Variants in CCDC171 observed in about 807,000 individuals in gnomAD.
CCDC171 encodes coiled-coil domain-containing protein 171.
Under a neutral mutation model 168.2 loss-of-function variants are expected in CCDC171, and 177 were observed. That is an observed-to-expected ratio of 1.05 (90% CI 0.93 to 1.19). The LOEUF is 1.19. CCDC171 is among the 50% of genes most tolerant of loss of function. The pLI is 0.00. For synonymous variants in CCDC171, 687 were observed against 540.8 expected, an observed-to-expected ratio of 1.27 and a Z score of -3.75; for missense variants, 1,991 against 1,539.0, an observed-to-expected ratio of 1.29 and a Z score of -4.91.
chr9:15,926,941 C>G (rs900981274), intron 25 of CCDC171, among the ~76,000 whole-genome samples: 9 of 151,564 alleles, frequency 5.9e-5, no homozygotes, highest in African/African-American at 2.2e-4. Context: ...ATTACCATTA[C>G]TTGTTGTTGT....
intron 22 of CCDC171, among the ~76,000 whole-genome samples, chr9:15,848,541 T>C (rs903601835): frequency 2.6e-5 from 4 of 151,876 alleles, no homozygotes; most frequent in South Asian, 2.1e-4. Context: ...AATAAAGTTT[T>C]ACCATTTACA....
intron 7 of CCDC171, among the ~76,000 whole-genome samples, chr9:15,652,337 A>G (rs2047588299): frequency 6.6e-6 from 1 of 152,180 alleles, no homozygotes; most frequent in Non-Finnish European, 1.5e-5. Context: ...TCAAAAATAA[A>G]TTGACCACCC....
chr9:16,016,809 A>T (rs540912044), intron 3 of CCDC171, among the ~76,000 whole-genome samples: 1 of 152,342 alleles, frequency 6.6e-6, no homozygotes, highest in South Asian at 2.1e-4. Flanking sequence ...ATTAGAAGCA[A>T]TTACAAGGAC....
At chr9:16,094,398 G>A in the CCDC171 span, among the ~76,000 whole-genome samples, 2 of 152,198 alleles carry the variant, frequency 1.3e-5, no homozygotes, top group Non-Finnish European at 2.9e-5. Flanking sequence ...TGGAGCGAGT[G>A]CTCGTTGTGT....
At chr9:16,074,983 C>T in the CCDC171 span, among the ~76,000 whole-genome samples, 1 of 152,170 alleles carries the variant, frequency 6.6e-6, no homozygotes, top group Non-Finnish European at 1.5e-5. Flanking sequence ...CTCTTCCTCC[C>T]AGTTTCGTGC....
At chr9:15,592,220 T>C (rs2042054418) in intron 5 of CCDC171, among the ~76,000 whole-genome samples, 1 of 151,514 alleles carries the variant, frequency 6.6e-6, no homozygotes, top group Admixed American at 6.6e-5. Flanking sequence ...TTCCAGCTAG[T>C]AGGGAGGTTG....
chr9:15,905,806 A>G (rs985696786), intron 24 of CCDC171, among the ~76,000 whole-genome samples: 1 of 152,164 alleles, frequency 6.6e-6, no homozygotes, highest in Non-Finnish European at 1.5e-5. Flanking sequence ...AGAGAGAAGA[A>G]TCAAACAGAC....
intron 21 of CCDC171, among the ~76,000 whole-genome samples, chr9:15,836,051 A>T (rs1165891156): frequency 2.0e-5 from 3 of 152,190 alleles, no homozygotes; most frequent in Non-Finnish European, 1.5e-5. Context: ...ATTAAACTTC[A>T]TATCTTCCCC....
rs1434753513 is a variant in CCDC171 at position 15,777,651 on chromosome 9, C to G, written c.2723C>G (p.Ser908Cys). Reference protein sequence around the residue: ...GHLLIGAAKNSFAKLMDKISL... With the variant: ...GHLLIGAAKNCFAKLMDKISL... ...TTACTCATAGGTGCAGCCAAGAATTCTTTTGCAAAACTCATGGATAAAATT... is the reference window on the plus strand; with the variant it reads ...TTACTCATAGGTGCAGCCAAGAATTGTTTTGCAAAACTCATGGATAAAATT... The change falls in exon 19 of 26, where the codon TCT (serine) becomes TGT (cysteine). Residue 908 changes from serine to cysteine, a missense_variant. Ser to Cys is a moderately radical substitution (Grantham distance 112). Transcript: ENST00000380701. 3.1e-6 allele frequency: 5 copies of G among 1,613,734 alleles called. No homozygotes were observed. The African/African-American group carries it at 6.7e-5, about 22-fold the overall frequency.
chr9:15,624,507 C>G (rs1455052944), intron 7 of CCDC171, among the ~76,000 whole-genome samples: 1 of 152,106 alleles, frequency 6.6e-6, no homozygotes, highest in African/African-American at 2.4e-5. Flanking sequence ...GTTCCCCATC[C>G]TGTGTCCAAG....
At chr9:15,654,947 C>G (rs1035628627) in intron 7 of CCDC171, among the ~76,000 whole-genome samples, 3 of 152,168 alleles carry the variant, frequency 2.0e-5, no homozygotes, top group Non-Finnish European at 4.4e-5. Flanking sequence ...AAACCAAACA[C>G]CGCCTGTTCT....
chr9:16,010,922 T>G (rs1334352022), intron 3 of CCDC171, among the ~76,000 whole-genome samples: 1 of 152,050 alleles, frequency 6.6e-6, no homozygotes, highest in Non-Finnish European at 1.5e-5. Flanking sequence ...CATCTGACTG[T>G]CATGTGGTAG....
intron 21 of CCDC171, among the ~76,000 whole-genome samples, chr9:15,830,968 A>ATTTTTTTT (rs71325936): frequency 8.1e-6 from 1 of 123,002 alleles, no homozygotes. Flanking sequence ...CCATATCTTA[A>ATTTTTTTT]TTTTTTTTTT....
In CCDC171 at chr9:15,931,821, A is replaced by C. The variant is rs1826553064; in HGVS notation, c.3753+11399A>C. On this transcript the variant is annotated intron_variant, in intron 25 of 25. Transcript: ENST00000380701. ...GATATGGTAAGAGGTAGGGGGTCTAATGCCATTCTTTTACATGTGGATATT... is the reference window on the plus strand; with the variant it reads ...GATATGGTAAGAGGTAGGGGGTCTACTGCCATTCTTTTACATGTGGATATT... 2.0e-5 allele frequency among the ~76,000 whole-genome samples: 3 copies of C among 151,656 alleles called. No homozygotes were observed. In the South Asian group the frequency reaches 6.2e-4, roughly 31 times the overall value.
chr9:15,744,541 C>G lies in CCDC171; in HGVS notation c.2318C>G (p.Ala773Gly), dbSNP rs1462037447. ...TTCAAACTGGAAATTAGAACTCTAG[C>G]CCAGGCTTTGTCAACTGTAGAGGAA... ...ELFKLEIRTL[A>G]QALSTVEEKK... Residue 773 changes from alanine to glycine, a missense_variant, in exon 17 of 26, where the codon GCC becomes GGC. Ala to Gly is a moderately conservative substitution (Grantham distance 60, BLOSUM62 0). Coordinates refer to ENST00000380701, the MANE Select transcript of CCDC171 (RefSeq NM_173550.4). 1 of 1,614,126 alleles carries G rather than the reference C, an allele frequency of 6.2e-7. No individual in the cohort carries two copies. Among genetic ancestry groups the G allele is most frequent in the Non-Finnish European group, 8.5e-7 (1 of 1,180,028 alleles).
At chr9:15,766,321 G>A (rs576047095) in intron 18 of CCDC171, among the ~76,000 whole-genome samples, 4 of 152,220 alleles carry the variant, frequency 2.6e-5, no homozygotes, top group Admixed American at 2.0e-4. Flanking sequence ...TGAAAATAAG[G>A]TGACCTCGAA....
chr9:15,598,115 A>AT (rs1158588017), intron 6 of CCDC171, among the ~76,000 whole-genome samples: 1 of 151,922 alleles, frequency 6.6e-6, no homozygotes, highest in South Asian at 2.1e-4. Context: ...GGATTCATTG[A>AT]TTTTTTGAAG....
chr9:15,890,614 T>C (rs1820088406), intron 24 of CCDC171, among the ~76,000 whole-genome samples: 1 of 147,728 alleles, frequency 6.8e-6, no homozygotes, highest in Non-Finnish European at 1.5e-5. Context: ...ACTCTTATTA[T>C]TTATTCCTTC....
Position 16,046,540 on chromosome 9 carries a change from G to C in CCDC171, n.89+3654G>C, listed in dbSNP as rs184450649. ...TGACACAGTGATATGGTTTGGATCT[G>C]TGTCCCCACCCAAATCTCATCTTGA... On this transcript the variant is annotated intron_variant and non_coding_transcript_variant, in intron 1 of 1. Coordinates refer to the CCDC171 transcript ENST00000478913. 3.3e-5 allele frequency among the ~76,000 whole-genome samples: 5 copies of C among 152,314 alleles called. No individual in the cohort carries two copies. In the East Asian group the frequency reaches 5.8e-4, roughly 18 times the overall value.
Sources: allele counts gnomAD v4.1 joint callset (sites outside exome capture counted in the v4.1 genomes callset), GRCh38; gene constraint gnomAD v4.1.1; transcripts MANE v1.5; gene names NCBI Gene and HGNC (gene_info 2026-07-23, HGNC 2026-07-21).